Variants in RCAN2 observed in about 807,000 individuals in gnomAD.
RCAN2 encodes calcipressin-2.
In RCAN2, 9 loss-of-function variants were observed where a neutral mutation model predicts 23.6. The observed-to-expected ratio is 0.38, with a 90% confidence interval of 0.23 to 0.67. RCAN2 has a LOEUF of 0.67. Among genes scored for constraint, RCAN2 ranks in the 30% least tolerant of loss-of-function variants. The pLI is 0.51. For missense variants in RCAN2, 273 were observed against 302.3 expected (o/e 0.90, Z 0.72); for synonymous variants, 109 against 115.7 (o/e 0.94, Z 0.37).
At chr6:46,230,741 C>T (rs1193224148) in intron 4 of RCAN2, among the ~76,000 whole-genome samples, 1 of 152,122 alleles carries the variant, frequency 6.6e-6, no homozygotes, top group Admixed American at 6.5e-5. Context: ...AGGTGATGCC[C>T]CACCCTGCTC....
rs1765734242 is a variant in RCAN2, at chr6:46,385,996, G to T, written c.225+70756C>A. Among the ~76,000 whole-genome samples, 4 of 151,908 alleles carry T rather than the reference G, an allele frequency of 2.6e-5. No homozygotes were observed. In the South Asian group the frequency reaches 8.3e-4, roughly 31 times the overall value. The stretch of plus-strand genomic sequence containing the variant: ...CATGATGAAAATGCCAAAAGCAATT[G>T]CAACACATGCAAAAATTGACAAATG... On this transcript the variant is annotated intron_variant, in intron 2 of 4. Transcript: ENST00000371374.
chr6:46,442,827 C>T (rs1561907888), intron 2 of RCAN2, among the ~76,000 whole-genome samples: 2 of 152,076 alleles, frequency 1.3e-5, no homozygotes, highest in Non-Finnish European at 2.9e-5. Flanking sequence ...TCTTGGGCCC[C>T]GGGGGTCACT....
At chr6:46,383,578 T>C (rs1451788332) in intron 2 of RCAN2, among the ~76,000 whole-genome samples, 1 of 152,164 alleles carries the variant, frequency 6.6e-6, no homozygotes, top group East Asian at 1.9e-4. Flanking sequence ...ATATATGAAT[T>C]AAAGGATGAT....
intron 2 of RCAN2, among the ~76,000 whole-genome samples, chr6:46,429,904 C>G (rs1353316679): frequency 6.6e-6 from 1 of 151,994 alleles, no homozygotes; most frequent in African/African-American, 2.4e-5. Flanking sequence ...ATGCAAAGAC[C>G]CTGGGAATAT....
At chr6:46,269,728 A>C (rs912146847) in intron 2 of RCAN2, among the ~76,000 whole-genome samples, 9 of 152,008 alleles carry the variant, frequency 5.9e-5, no homozygotes, top group African/African-American at 1.7e-4. Flanking sequence ...TTCATTTAGG[A>C]GTGCTGTCAG....
At chr6:46,404,193 G>C (rs768643461) in intron 2 of RCAN2, among the ~76,000 whole-genome samples, 1 of 151,398 alleles carries the variant, frequency 6.6e-6, no homozygotes, top group Non-Finnish European at 1.5e-5. Flanking sequence ...TTGCACTCCA[G>C]GGTGGGCAAC....
intron 4 of RCAN2, among the ~76,000 whole-genome samples, chr6:46,244,177 T>G (rs2150315793): frequency 6.6e-6 from 1 of 152,338 alleles, no homozygotes; most frequent in East Asian, 1.9e-4. Flanking sequence ...GTGGGTGCTA[T>G]AGATTAGCTG....
intron 2 of RCAN2, among the ~76,000 whole-genome samples, chr6:46,368,684 T>C (rs1340478364): frequency 1.3e-5 from 2 of 152,106 alleles, no homozygotes; most frequent in Non-Finnish European, 2.9e-5. Context: ...AAAGGTACAC[T>C]AAAAATACAG....
chr6:46,312,785 G>C (rs1172268208), intron 2 of RCAN2, among the ~76,000 whole-genome samples: 2 of 152,122 alleles, frequency 1.3e-5, no homozygotes, highest in Admixed American at 6.5e-5. Context: ...AGCCCTCATC[G>C]GGTCTGGCTG....
intron 4 of RCAN2, among the ~76,000 whole-genome samples, chr6:46,231,148 G>A (rs1765871279): frequency 1.3e-5 from 2 of 152,148 alleles, no homozygotes; most frequent in Non-Finnish European, 2.9e-5. Context: ...GGTCATTAGG[G>A]TGGGCTCTAC....
In RCAN2 at chr6:46,297,825, T is replaced by C. The variant is rs370361166; in HGVS notation, c.226-48929A>G. ...AAAGTTAGTTCAAATTAAAGTCTAG[T>C]TTTCTGTACAAATCACTTGAATATA... On this transcript the variant is annotated intron_variant, in intron 2 of 4. Transcript: ENST00000371374. Among the ~76,000 whole-genome samples the C allele has an allele frequency of 3.9e-5, 6 of 152,078 alleles. No individual in the cohort carries two copies. The South Asian group carries it at 1.2e-3, about 32-fold the overall frequency.
intron 2 of RCAN2, among the ~76,000 whole-genome samples, chr6:46,315,780 G>A (rs899830067): frequency 6.6e-6 from 1 of 152,100 alleles, no homozygotes; most frequent in Non-Finnish European, 1.5e-5. Flanking sequence ...CAACTTCCTG[G>A]AGGCTTCATT....
chr6:46,486,811 G>C (rs987523103), intron 1 of RCAN2, among the ~76,000 whole-genome samples: 1 of 152,156 alleles, frequency 6.6e-6, no homozygotes, highest in African/African-American at 2.4e-5. Context: ...TGGGCATTCT[G>C]AACTGCAGGG....
chr6:46,415,083 C>T (rs1384092389), intron 2 of RCAN2, among the ~76,000 whole-genome samples: 4 of 152,080 alleles, frequency 2.6e-5, no homozygotes, highest in Admixed American at 6.5e-5. Flanking sequence ...GGGGTTTGAG[C>T]TTTATTCTGT....
intron 1 of RCAN2, among the ~76,000 whole-genome samples, chr6:46,470,516 T>A (rs186009224): frequency 1.3e-5 from 2 of 152,348 alleles, no homozygotes; most frequent in East Asian, 1.9e-4. Context: ...TGAGGAACTA[T>A]TGCCATTTGT....
intron 2 of RCAN2, among the ~76,000 whole-genome samples, chr6:46,340,294 G>A (rs1379443746): frequency 6.6e-6 from 1 of 151,776 alleles, no homozygotes. Flanking sequence ...TGGAATTTAG[G>A]GACTTAGCCA....
At chr6:46,376,787 T>A (rs1431720232) in intron 2 of RCAN2, among the ~76,000 whole-genome samples, 1 of 151,944 alleles carries the variant, frequency 6.6e-6, no homozygotes. Flanking sequence ...TGACCAGGTC[T>A]TATTTATCAG....
intron 1 of RCAN2, among the ~76,000 whole-genome samples, chr6:46,489,037 G>T (rs570098980): frequency 5.3e-5 from 8 of 152,246 alleles, no homozygotes; most frequent in African/African-American, 1.9e-4. Context: ...CCTTAGCAGG[G>T]TATATTCACA....
At chr6:46,330,257 T>C (rs1330976399) in intron 2 of RCAN2, among the ~76,000 whole-genome samples, 1 of 152,086 alleles carries the variant, frequency 6.6e-6, no homozygotes, top group Non-Finnish European at 1.5e-5. Context: ...AAGGGCAGAT[T>C]CTCGGGCCCC....
Sources: gnomAD v4.1 joint callset for allele counts (sites outside exome capture counted in the v4.1 genomes callset) on GRCh38, gnomAD v4.1.1 for gene constraint, MANE v1.5 for transcripts, NCBI Gene and HGNC (gene_info 2026-07-23, HGNC 2026-07-21) for gene names.